MTUS2: variants seen among roughly 807,000 people sequenced by gnomAD.
MTUS2 encodes microtubule associated scaffold protein 2, also known as microtubule-associated tumor suppressor candidate 2.
A neutral mutation model predicts 114.1 loss-of-function variants in MTUS2; 40 were observed. That is an observed-to-expected ratio of 0.35 (90% CI 0.27 to 0.46). The LOEUF (loss-of-function observed/expected upper bound fraction) is 0.46. MTUS2 is among the 20% of genes least tolerant of loss of function. The pLI, the probability that MTUS2 is intolerant of heterozygous loss-of-function variation, is 1.00. For missense variants in MTUS2, 1,679 were observed against 1,705.4 expected (o/e 0.98, Z 0.27); for synonymous variants, 688 against 672.0 (o/e 1.02, Z -0.37).
chr13:29,369,664 C>G (rs1175417963), intron 8 of MTUS2, among the ~76,000 whole-genome samples: 2 of 152,212 alleles, frequency 1.3e-5, no homozygotes, highest in Non-Finnish European at 2.9e-5. Context: ...TACCTGTGAT[C>G]CAGTCCCTGG....
chr13:29,186,548 T>C (rs899494042), intron 5 of MTUS2, among the ~76,000 whole-genome samples: 1 of 152,154 alleles, frequency 6.6e-6, no homozygotes. Context: ...GATAAAATAA[T>C]AAAAGGCTGC....
intron 10 of MTUS2, 200 bp from the exon 11 acceptor site, chr13:29,487,700 C>T: frequency 1.7e-6 from 1 of 595,190 alleles, no homozygotes; most frequent in South Asian, 1.9e-5. Context: ...GACCCCCCTA[C>T]AAAGAGCCAG....
chr13:29,307,649 A>C (rs1248823350), intron 6 of MTUS2: 10 of 1,142,372 alleles, frequency 8.8e-6, no homozygotes, highest in Non-Finnish European at 1.3e-5. Flanking sequence ...AGCGACACCC[A>C]CTCTTCCACC....
At chr13:29,186,322 G>T (rs1362251615) in intron 5 of MTUS2, among the ~76,000 whole-genome samples, 1 of 151,986 alleles carries the variant, frequency 6.6e-6, no homozygotes, top group African/African-American at 2.4e-5. Flanking sequence ...AATTAAAAAG[G>T]AATTAAACAC....
chr13:28,967,371 G>C (rs1434121538), intron 2 of MTUS2, among the ~76,000 whole-genome samples: 1 of 152,100 alleles, frequency 6.6e-6, no homozygotes, highest in African/African-American at 2.4e-5. Flanking sequence ...TTAACAAAGT[G>C]TAATTATAAT....
intron 5 of MTUS2, among the ~76,000 whole-genome samples, chr13:29,142,458 C>G (rs1401671178): frequency 2.0e-5 from 3 of 152,122 alleles, no homozygotes; most frequent in Admixed American, 6.5e-5. Context: ...AATCCCAGAA[C>G]TTTGGAAGGC....
At chr13:29,031,105 A>G (rs1373904414) in intron 3 of MTUS2, among the ~76,000 whole-genome samples, 1 of 151,940 alleles carries the variant, frequency 6.6e-6, no homozygotes, top group Non-Finnish European at 1.5e-5. Context: ...GGCTGAGAGG[A>G]TGGAGTGAGG....
chr13:28,972,640 C>T (rs540150529), intron 2 of MTUS2, among the ~76,000 whole-genome samples: 4 of 152,266 alleles, frequency 2.6e-5, no homozygotes, highest in East Asian at 1.9e-4. Context: ...GTCGCAGCCC[C>T]GAGTTCTGAG....
At chr13:29,162,412 A>G (rs898329755) in intron 5 of MTUS2, among the ~76,000 whole-genome samples, 1 of 152,138 alleles carries the variant, frequency 6.6e-6, no homozygotes, top group African/African-American at 2.4e-5. Flanking sequence ...GGTCCTGATC[A>G]TATCCCAAGT....
chr13:28,959,049 C>CCCT (rs1280930869), intron 2 of MTUS2, among the ~76,000 whole-genome samples: 1 of 152,076 alleles, frequency 6.6e-6, no homozygotes. Flanking sequence ...TGGTGGGGGT[C>CCCT]CCTGGGCTTG....
intron 9 of MTUS2, among the ~76,000 whole-genome samples, chr13:29,452,919 G>A (rs1028759711): frequency 6.6e-6 from 1 of 152,148 alleles, no homozygotes; most frequent in Admixed American, 6.5e-5. Context: ...TTAAATAGTG[G>A]TGTATAGTTT....
chr13:29,025,665 G>A lies in MTUS2; in HGVS notation c.967G>A (p.Glu323Lys). Residue 323 changes from glutamate (E) to lysine (K), a missense_variant, in exon 3 of 16, where the codon GAG becomes AAG. Physicochemically the swap from Glu to Lys is moderately conservative, Grantham distance 56 (BLOSUM62 1). Around this residue, in one of 3 missense-constraint regions of MTUS2, gnomAD observed 843 missense variants for 770.8 expected, o/e 1.09. Coordinates refer to ENST00000612955, the MANE Select transcript of MTUS2 (RefSeq NM_001033602.4). ...TGTTCCTCCCAGGAGAGTTGAACAG[G>A]AGGGAAAGGCAGCCCAGGAAGGGTA... ...KYVPPRRVEQ[E>K]GKAAQEGYLG... The A allele has an allele frequency of 6.2e-7, 1 of 1,614,078 alleles. No homozygotes were observed. The highest frequency in any genetic ancestry group is 8.5e-7 in the Non-Finnish European group (1 of 1,179,906).
intron 5 of MTUS2, among the ~76,000 whole-genome samples, chr13:29,103,336 A>G (rs1890505335): frequency 6.6e-6 from 1 of 152,238 alleles, no homozygotes; most frequent in Non-Finnish European, 1.5e-5. Context: ...GCAATATGGT[A>G]TAGCCTTGGC....
intron 7 of MTUS2, among the ~76,000 whole-genome samples, chr13:29,325,490 G>GGA (rs1900455066): frequency 7.4e-6 from 1 of 134,850 alleles, no homozygotes; most frequent in African/African-American, 2.7e-5. Context: ...AAGAGGAAGA[G>GGA]GGAGGAGGAG....
chr13:29,168,323 A>G (rs1302273767), intron 5 of MTUS2, among the ~76,000 whole-genome samples: 2 of 152,176 alleles, frequency 1.3e-5, no homozygotes, highest in Non-Finnish European at 2.9e-5. Context: ...ACCTTGTTCC[A>G]TAGCCCCTAA....
chr13:29,191,915 C>T (rs1450421285), intron 5 of MTUS2, among the ~76,000 whole-genome samples: 1 of 152,154 alleles, frequency 6.6e-6, no homozygotes, highest in East Asian at 1.9e-4. Context: ...AGACTTTGTA[C>T]AGCACCTGTA....
chr13:29,121,158 A>T (rs945327367), intron 5 of MTUS2, among the ~76,000 whole-genome samples: 1 of 152,222 alleles, frequency 6.6e-6, no homozygotes, highest in Non-Finnish European at 1.5e-5. Context: ...AATAAATCTC[A>T]CTTATCCCTA....
chr13:29,437,673 C>T (rs1368304164), intron 8 of MTUS2, among the ~76,000 whole-genome samples: 1 of 152,292 alleles, frequency 6.6e-6, no homozygotes, highest in African/African-American at 2.4e-5. Flanking sequence ...AGGCCAGGCA[C>T]GGTGGCTCAC....
chr13:29,066,694 A>G (rs757328304), intron 4 of MTUS2, among the ~76,000 whole-genome samples: 47 of 152,348 alleles, frequency 3.1e-4, no homozygotes, highest in Non-Finnish European at 5.3e-4. Context: ...CTGAGGACCT[A>G]TTATGGGCCA....
Sources: allele counts gnomAD v4.1 joint callset (sites outside exome capture counted in the v4.1 genomes callset), GRCh38; gene constraint gnomAD v4.1.1; regional missense constraint gnomAD v4.1.1; transcripts MANE v1.5; gene names NCBI Gene and HGNC (gene_info 2026-07-23, HGNC 2026-07-21).